The following GRK5 variants were observed in gnomAD, a reference collection of about 807,000 sequenced individuals.
The protein encoded by GRK5 is g protein-coupled receptor kinase GRK5.
Under a neutral mutation model 78.4 loss-of-function variants are expected in GRK5, and 40 were observed. The observed-to-expected ratio is 0.51, with a 90% CI of 0.40 to 0.66. The LOEUF is 0.66. Among genes scored for constraint, GRK5 ranks in the 30% least tolerant of loss-of-function variants. The pLI is 0.00. For missense variants in GRK5, 598 were observed against 759.9 expected (o/e 0.79, Z 2.50); for synonymous variants, 289 against 296.8 (o/e 0.97, Z 0.27).
chr10:119,277,288 G>A (rs761143583), intron 1 of GRK5, among the ~76,000 whole-genome samples: 6 of 152,162 alleles, frequency 3.9e-5, no homozygotes, highest in Non-Finnish European at 7.3e-5. Flanking sequence ...GGCTGACTGC[G>A]TGAACTTCTT....
At chr10:119,388,687 T>C (rs962651096) in intron 3 of GRK5, among the ~76,000 whole-genome samples, 7 of 152,184 alleles carry the variant, frequency 4.6e-5, no homozygotes, top group African/African-American at 2.4e-5. Flanking sequence ...AGTCAACCTT[T>C]ATTAGGTGAT....
intron 1 of GRK5, among the ~76,000 whole-genome samples, chr10:119,276,832 G>A (rs1358598011): frequency 2.6e-5 from 4 of 152,170 alleles, no homozygotes; most frequent in Non-Finnish European, 5.9e-5. Context: ...TGGGAGTCCT[G>A]CCACAGCGGG....
intron 1 of GRK5, among the ~76,000 whole-genome samples, chr10:119,304,112 CTG>C (rs1850232295): frequency 6.6e-6 from 1 of 152,042 alleles, no homozygotes; most frequent in African/African-American, 2.4e-5. Context: ...TTTATCTTGA[CTG>C]TGTTTAATGA....
chr10:119,291,954 C>CTCT (rs879342787), intron 1 of GRK5, among the ~76,000 whole-genome samples: 3,669 of 103,836 alleles, frequency 0.035, 116 homozygotes, highest in African/African-American at 0.039. Context: ...TTTCCTCCTT[C>CTCT]TCCTCCTCTT....
At chr10:119,417,231 C>T (rs1403507126) in intron 4 of GRK5, among the ~76,000 whole-genome samples, 1 of 152,182 alleles carries the variant, frequency 6.6e-6, no homozygotes. Context: ...ACACGTGCTT[C>T]CCGGATTCAG....
At chr10:119,347,792 T>C (rs1177428896) in intron 2 of GRK5, among the ~76,000 whole-genome samples, 1 of 152,244 alleles carries the variant, frequency 6.6e-6, no homozygotes, top group African/African-American at 2.4e-5. Flanking sequence ...CAGATAGTCA[T>C]CTCTGAATTA....
At chr10:119,376,561 CTTTTTTTTTTT>C in intron 2 of GRK5, among the ~76,000 whole-genome samples, 1 of 104,324 alleles carries the variant, frequency 9.6e-6, no homozygotes, top group East Asian at 2.8e-4. Context: ...TCCCTAATGC[CTTTTTTTTTTT>C]TTTTTTTTTG....
rs1244612692 is a variant in GRK5 at position 119,238,814 on chromosome 10, A to G, written c.52+30845A>G. ...CCCGGAGAAGGGTGGTCATATGGCC[A>G]GTGTCAGGATTAATAGAATCCCCTT... On this transcript the variant is annotated intron_variant, in intron 1 of 15. Coordinates refer to ENST00000392870, the MANE Select transcript of GRK5 (RefSeq NM_005308.3). The surrounding 1 kb of genome is among the most constrained non-coding windows in gnomAD (Gnocchi z 4.7). 4.6e-5 allele frequency among the ~76,000 whole-genome samples: 7 copies of G among 152,136 alleles called. No homozygotes were observed. Among genetic ancestry groups the G allele is most frequent in the Non-Finnish European group, 1.0e-4 (7 of 68,026 alleles).
intron 6 of GRK5, among the ~76,000 whole-genome samples, chr10:119,429,680 C>T (rs883134): frequency 0.034 from 5,194 of 152,018 alleles, 144 homozygotes; most frequent in Middle Eastern, 0.11. Flanking sequence ...ACTTCCAATC[C>T]GATCTTGGCA....
Position 119,453,207 on chromosome 10 carries a change from A to G in GRK5, c.1605A>G (p.Pro535=), listed in dbSNP as rs765984609. 163 of 1,610,146 alleles carry G rather than the reference A, an allele frequency of 1.0e-4. No homozygotes were observed. The highest frequency in any genetic ancestry group is 1.4e-4 in the Non-Finnish European group (160 of 1,176,502). ...TTGGACCTAATGGTACCCTCCCGCC[A>G]GATCTGAACAGAAACCACCCTCCGG... The part of the protein sequence containing the change: ...NVFGPNGTLP[P]DLNRNHPPEP... Residue 535 remains proline, a synonymous_variant, in exon 15 of 16, where the codon CCA becomes CCG. Transcript: ENST00000392870.
intron 1 of GRK5, among the ~76,000 whole-genome samples, chr10:119,274,828 G>T (rs1186245563): frequency 2.0e-5 from 3 of 152,218 alleles, no homozygotes; most frequent in Admixed American, 2.0e-4. Context: ...TTCCAGCCTT[G>T]GTTCCACCTC....
intron 2 of GRK5, among the ~76,000 whole-genome samples, chr10:119,353,515 G>A (rs867604700): frequency 6.6e-6 from 1 of 152,192 alleles, no homozygotes; most frequent in African/African-American, 2.4e-5. Context: ...TAGACATTCT[G>A]TTCTTGAAAT....
chr10:119,221,982 A>G (rs1032973230), intron 1 of GRK5, among the ~76,000 whole-genome samples: 1 of 152,196 alleles, frequency 6.6e-6, no homozygotes, highest in Admixed American at 6.5e-5. Flanking sequence ...TGGATTTTGC[A>G]TGTGTAAATC....
chr10:119,256,070 C>T (rs550123889), intron 1 of GRK5, among the ~76,000 whole-genome samples: 1 of 152,110 alleles, frequency 6.6e-6, no homozygotes, highest in Admixed American at 6.6e-5. Flanking sequence ...CAGTTTGAAA[C>T]CCTTTGCAAA....
chr10:119,419,446 C>T (rs772272022), intron 4 of GRK5, among the ~76,000 whole-genome samples: 3 of 152,228 alleles, frequency 2.0e-5, no homozygotes, highest in Non-Finnish European at 4.4e-5. Flanking sequence ...TAGTTTCAGA[C>T]GCAATGGCCA....
rs1440031018 is a variant in GRK5 at position 119,313,230 on chromosome 10, A to ATGATGGTGGTGGTAATGGTGGTGG, written c.53-13269_53-13246dup. 1.4e-4 allele frequency among the ~76,000 whole-genome samples: 17 copies of ATGATGGTGGTGGTAATGGTGGTGG among 121,368 alleles called. 1 individual carries two copies. Among genetic ancestry groups the ATGATGGTGGTGGTAATGGTGGTGG allele is most frequent in the Non-Finnish European group, 2.9e-4 (16 of 55,820 alleles). The allele number at this position is 121,368 out of a possible 152,430, so 79.6% of individuals were successfully genotyped here. ...GGTAGTGGTGGTGGTGACGGTAGTG[A>ATGATGGTGGTGGTAATGGTGGTGG]TGATGGTGGTGGTAATGGTGGTGGT... On this transcript the variant is annotated intron_variant, in intron 1 of 15. Coordinates refer to ENST00000392870, the MANE Select transcript of GRK5 (RefSeq NM_005308.3).
At chr10:119,387,195 G>A (rs935896633) in intron 3 of GRK5, among the ~76,000 whole-genome samples, 1 of 152,084 alleles carries the variant, frequency 6.6e-6, no homozygotes, top group Admixed American at 6.5e-5. Context: ...ATAGAGATGG[G>A]GTTTCGCCAT....
At chr10:119,454,885 G>T in intron 15 of GRK5, 84 bp from the exon 16 acceptor site, 1 of 861,304 alleles carries the variant, frequency 1.2e-6, no homozygotes, top group East Asian at 2.5e-5. Flanking sequence ...GTTGGAGCAG[G>T]CAGAGGCAGC....
rs1199922065 is a variant in GRK5, at chr10:119,436,830, C to T, written c.918C>T (p.Asn306=). 2 of 1,603,764 alleles carry T rather than the reference C, an allele frequency of 1.2e-6. No homozygotes were observed. The highest frequency in any genetic ancestry group is 8.5e-7 in the Non-Finnish European group (1 of 1,174,076). Residue 306 remains asparagine, a synonymous_variant, in exon 9 of 16, where the codon AAC becomes AAT. Transcript: ENST00000392870. The stretch of plus-strand genomic sequence containing the variant: ...GCTTAGAAGACCTCCACCGTGAGAA[C>T]ACCGTCTACCGGTGAGTGGAAGGCA... ...LCGLEDLHRE[N]TVYRDLKPEN...
Sources: allele counts gnomAD v4.1 joint callset (sites outside exome capture counted in the v4.1 genomes callset), GRCh38; gene constraint gnomAD v4.1.1; non-coding constraint Gnocchi (gnomAD v3.1); transcripts MANE v1.5; gene names NCBI Gene and HGNC (gene_info 2026-07-23, HGNC 2026-07-21).